MAP1B: variants seen among roughly 807,000 people sequenced by gnomAD.
The protein encoded by MAP1B is microtubule-associated protein 1B.
A neutral mutation model predicts 176.1 loss-of-function variants in MAP1B; 12 were observed. The observed-to-expected ratio is 0.07, with a 90% confidence interval of 0.04 to 0.11. The LOEUF (loss-of-function observed/expected upper bound fraction) is 0.11. MAP1B is among the 10% of genes least tolerant of loss of function. MAP1B has a pLI of 1.00. For missense variants in MAP1B, 2,523 were observed against 2,990.5 expected, an observed-to-expected ratio of 0.84 and a Z score of 3.65; for synonymous variants, 1,044 against 1,135.0, an observed-to-expected ratio of 0.92 and a Z score of 1.61.
chr5:72,188,285 A>G (rs9885364), intron 4 of MAP1B, among the ~76,000 whole-genome samples: 33,180 of 152,140 alleles, frequency 0.22, 4,130 homozygotes, highest in African/African-American at 0.32. Flanking sequence ...GCATTTGTCT[A>G]GTAGCTCTGG....
intron 3 of MAP1B, among the ~76,000 whole-genome samples, chr5:72,185,085 T>A (rs1422493567): frequency 6.6e-6 from 1 of 152,236 alleles, no homozygotes; most frequent in Non-Finnish European, 1.5e-5. Context: ...TCTGGCTTAT[T>A]TTAGCCTAAC....
chr5:72,112,469 C>G (rs1745360666), intron 1 of MAP1B, among the ~76,000 whole-genome samples: 1 of 152,174 alleles, frequency 6.6e-6, no homozygotes, highest in South Asian at 2.1e-4. Context: ...ATTTTTCACC[C>G]TGACTTGTTC....
Position 72,193,999 on chromosome 5 carries a change from A to T in MAP1B, c.644A>T (p.Asn215Ile). ...CAAGACTTCATCAATATTAAACTCAATTCAGCTTCTATCTTGCCAGAAATG... is the reference window on the plus strand; with the variant it reads ...CAAGACTTCATCAATATTAAACTCATTTCAGCTTCTATCTTGCCAGAAATG... ...NLQDFINIKL[N>I]SASILPEMEG... Residue 215 changes from asparagine to isoleucine, a missense_variant, in exon 5 of 7, where the codon AAT becomes ATT. By Grantham distance (149) the Asn-to-Ile change is moderately radical (BLOSUM62 -3). Around this residue, in one of 4 missense-constraint regions of MAP1B, gnomAD observed 307 missense variants for 438.4 expected, o/e 0.70. Coordinates refer to ENST00000296755, the MANE Select transcript of MAP1B (RefSeq NM_005909.5). 6.2e-7 allele frequency: 1 copy of T among 1,614,162 alleles called. No individual in the cohort carries two copies. Among genetic ancestry groups the T allele is most frequent in the Non-Finnish European group, 8.5e-7 (1 of 1,180,044 alleles).
intron 2 of MAP1B, among the ~76,000 whole-genome samples, chr5:72,117,173 C>G (rs1408858811): frequency 6.7e-6 from 1 of 149,938 alleles, no homozygotes; most frequent in Admixed American, 6.7e-5. Flanking sequence ...AATCCAGAGA[C>G]TGTCAGACAG....
chr5:72,188,740 C>A (rs995294148), intron 4 of MAP1B, among the ~76,000 whole-genome samples: 2 of 152,082 alleles, frequency 1.3e-5, no homozygotes, highest in African/African-American at 4.8e-5. Flanking sequence ...AAAAATTTGC[C>A]CTAACTGAAG....
At chr5:72,163,930 C>CTTTTTTTTTTTTTTTTTTTTTT (rs869167918) in intron 2 of MAP1B, among the ~76,000 whole-genome samples, 3 of 43,696 alleles carry the variant, frequency 6.9e-5, no homozygotes, top group African/African-American at 1.2e-4. Context: ...TTTTTTTTTT[C>CTTTTTTTTTTTTTTTTTTTTTT]TTTTTTTTTT....
At chr5:72,147,454 T>C (rs1746066582) in intron 2 of MAP1B, among the ~76,000 whole-genome samples, 1 of 151,506 alleles carries the variant, frequency 6.6e-6, no homozygotes, top group African/African-American at 2.4e-5. Flanking sequence ...GGATGAATCC[T>C]TTTTAGTGAT....
At chr5:72,146,749 G>A (rs61638231) in intron 2 of MAP1B, among the ~76,000 whole-genome samples, 2 of 152,096 alleles carry the variant, frequency 1.3e-5, no homozygotes, top group Non-Finnish European at 2.9e-5. Context: ...CTTTAACTCA[G>A]GAACTTCTGT....
intron 2 of MAP1B, among the ~76,000 whole-genome samples, chr5:72,142,408 G>A (rs573058585): frequency 3.3e-5 from 5 of 152,266 alleles, no homozygotes; most frequent in Admixed American, 6.5e-5. Context: ...GCAAAATTCC[G>A]CTATGTGGTT....
intron 2 of MAP1B, among the ~76,000 whole-genome samples, chr5:72,163,592 T>C (rs532390312): frequency 3.0e-4 from 46 of 152,342 alleles, no homozygotes; most frequent in Non-Finnish European, 6.5e-4. Flanking sequence ...TTTAATAGAA[T>C]GCTTCCATTT....
intron 2 of MAP1B, among the ~76,000 whole-genome samples, chr5:72,126,221 C>A (rs1449237927): frequency 6.6e-6 from 1 of 152,152 alleles, no homozygotes; most frequent in African/African-American, 2.4e-5. Flanking sequence ...CAGCTCTGGG[C>A]CACACCTGAG....
At position 72,197,030 on chromosome 5, in the gene MAP1B, T is replaced by A; in HGVS notation, c.3675T>A (p.Asp1225Glu). The A allele has an allele frequency of 6.2e-7, 1 of 1,614,238 alleles. No individual in the cohort carries two copies. Among genetic ancestry groups the A allele is most frequent in the Non-Finnish European group, 8.5e-7 (1 of 1,180,054 alleles). ...EDKFSRSALR[D>E]AYCSEVKAST... ...AATTCAGCAGATCTGCTTTACGTGA[T>A]GCTTACTGCTCTGAAGTGAAAGCCA... The change falls in exon 5 of 7, where the codon GAT becomes GAA. Residue 1225 changes from aspartate to glutamate, a missense_variant. Physicochemically the swap from Asp to Glu is conservative, Grantham distance 45. Coordinates refer to ENST00000296755, the MANE Select transcript of MAP1B (RefSeq NM_005909.5).
chr5:72,130,169 A>G (rs1209963313), intron 2 of MAP1B, among the ~76,000 whole-genome samples: 5 of 86,306 alleles, frequency 5.8e-5, no homozygotes, highest in Non-Finnish European at 1.1e-4. Flanking sequence ...TTACAGTTTA[A>G]AAAGAAGAAA....
chr5:72,145,527 T>G (rs556670534), intron 2 of MAP1B, among the ~76,000 whole-genome samples: 4 of 152,240 alleles, frequency 2.6e-5, no homozygotes, highest in Non-Finnish European at 5.9e-5. Context: ...TGCTTTGTCA[T>G]TCTGATGGAG....
At chr5:72,162,100 T>A (rs1746339913) in intron 2 of MAP1B, among the ~76,000 whole-genome samples, 1 of 152,096 alleles carries the variant, frequency 6.6e-6, no homozygotes, top group Admixed American at 6.5e-5. Context: ...AAGACAGCAC[T>A]GCAGACACAT....
chr5:72,108,608 G>A (rs1307577423), intron 1 of MAP1B, among the ~76,000 whole-genome samples: 5 of 152,184 alleles, frequency 3.3e-5, no homozygotes, highest in Non-Finnish European at 7.4e-5. Context: ...GGCGGGCACA[G>A]CCTCGGGCGC....
chr5:72,204,977 C>G lies in MAP1B; in HGVS notation c.7252-107C>G. 4.1e-6 allele frequency: 3 copies of G among 728,740 alleles called. No individual in the cohort carries two copies. The highest frequency in any genetic ancestry group is 3.3e-4 in the Middle Eastern group (1 of 3,008). The allele number at this position is 728,740 out of a possible 1,614,324, so 45.1% of individuals were successfully genotyped here. A position where few individuals can be genotyped will look rare whatever the true frequency, so the allele number is the denominator to read the frequency against. ...CTTGAGGAAAATAGAAAAGTTTTCTCTCATTTCCCTTCTTCTTCCAGTGGT... is the reference window on the plus strand; with the variant it reads ...CTTGAGGAAAATAGAAAAGTTTTCTGTCATTTCCCTTCTTCTTCCAGTGGT... On this transcript the variant is annotated intron_variant, in intron 6 of 6. Transcript: ENST00000296755. The surrounding 1 kb of genome is among the most constrained non-coding windows in gnomAD (Gnocchi z 4.4).
Position 72,195,592 on chromosome 5 carries a change from T to G in MAP1B, c.2237T>G (p.Leu746Arg). Residue 746 changes from leucine (L) to arginine (R), a missense_variant, in exon 5 of 7, where the codon CTG becomes CGG. Physicochemically the swap from Leu to Arg is moderately radical, Grantham distance 102. Transcript: ENST00000296755. ...PKDAKKSSTP[L>R]SEAKKPAALK... Reference sequence around the variant, plus strand: ...GACGCAAAGAAATCATCTACTCCTCTGTCTGAAGCAAAAAAACCAGCTGCT... The same window carrying G: ...GACGCAAAGAAATCATCTACTCCTCGGTCTGAAGCAAAAAAACCAGCTGCT... The G allele has an allele frequency of 3.7e-6, 6 of 1,614,192 alleles. No homozygotes were observed. Among genetic ancestry groups the G allele is most frequent in the Non-Finnish European group, 5.1e-6 (6 of 1,180,038 alleles).
At chr5:72,162,976 T>C (rs1441079225) in intron 2 of MAP1B, among the ~76,000 whole-genome samples, 1 of 152,058 alleles carries the variant, frequency 6.6e-6, no homozygotes, top group African/African-American at 2.4e-5. Flanking sequence ...ACGCCTGTAA[T>C]CCCAGCACTT....
Sources: allele counts gnomAD v4.1 joint callset (sites outside exome capture counted in the v4.1 genomes callset), GRCh38; gene constraint gnomAD v4.1.1; regional missense constraint gnomAD v4.1.1; non-coding constraint Gnocchi (gnomAD v3.1); transcripts MANE v1.5; gene names NCBI Gene and HGNC (gene_info 2026-07-23, HGNC 2026-07-21).